The following ZNF107 variants were observed in gnomAD, a reference collection of about 807,000 sequenced individuals.
The protein encoded by ZNF107 is zinc finger protein 107.
Under a neutral mutation model 12.3 loss-of-function variants are expected in ZNF107, and 19 were observed. The ratio of observed to expected loss-of-function variants is 1.55; its 90% CI spans 1.08 to 2.27. The LOEUF (loss-of-function observed/expected upper bound fraction) is 2.27, where lower values mean the gene tolerates loss of function less well. ZNF107 is among the 30% of genes most tolerant of loss of function. The pLI, the probability that ZNF107 is intolerant of heterozygous loss-of-function variation, is 0.00. For synonymous variants in ZNF107, 317 were observed against 330.5 expected (o/e 0.96, Z 0.44); for missense variants, 958 against 979.9 (o/e 0.98, Z 0.30).
At chr7:64,702,882 T>C (rs541211149) in intron 3 of ZNF107, among the ~76,000 whole-genome samples, 1 of 152,338 alleles carries the variant, frequency 6.6e-6, no homozygotes, top group South Asian at 2.1e-4. Context: ...GGGAAGTCTT[T>C]ATTTATATTT....
Position 64,701,308 on chromosome 7 carries a change from C to A in ZNF107, c.227-5016C>A, listed in dbSNP as rs145924224. Among the ~76,000 whole-genome samples, 419 of 151,762 alleles carry A rather than the reference C, an allele frequency of 2.8e-3. 2 individuals are homozygous for A. The highest frequency in any genetic ancestry group is 5.2e-3 in the Non-Finnish European group (350 of 67,932). ...TTCGTTTTTTTTTCTTTTTGAGATG[C>A]AGTCTTGCTTTGTCACCCAGGCTGG... On this transcript the variant is annotated intron_variant, in intron 3 of 3. Transcript: ENST00000620827.
At position 64,711,169 on chromosome 7, in the gene ZNF107, G is replaced by T. The variant is rs1298071500; in HGVS notation, c.*2513G>T. 1.3e-5 allele frequency: 2 copies of T among 152,132 alleles called. No individual in the cohort carries two copies. Among genetic ancestry groups the T allele is most frequent in the Non-Finnish European group, 2.9e-5 (2 of 68,006 alleles). 9.4% of individuals were successfully genotyped at this position (152,132 alleles called of 1,614,324 possible). On this transcript the variant is annotated 3_prime_UTR_variant, in exon 4 of 4. Coordinates refer to ENST00000620827, the MANE Select transcript of ZNF107 (RefSeq NM_001282359.2). ...AGGGTTTAGGTAAAAGAGGGTAACA[G>T]TATACTACTTGATAACATAATGGGC...
In ZNF107 at chr7:64,708,539, G is replaced by T; in HGVS notation, c.2442G>T (p.Glu814Asp). The T allele has an allele frequency of 6.2e-7, 1 of 1,612,824 alleles. No homozygotes were observed. Among genetic ancestry groups the T allele is most frequent in the South Asian group, 1.1e-5 (1 of 90,992 alleles). Reference sequence around the variant, plus strand: ...TACATAAGATAATTCATACTGGAGAGAAACCCTACAAATGTGGAGATTATG... The same window carrying T: ...TACATAAGATAATTCATACTGGAGATAAACCCTACAAATGTGGAGATTATG... ...LNIHKIIHTG[E>D]KPYKCGDYGR... Residue 814 changes from glutamate (E) to aspartate (D), a missense_variant, in exon 4 of 4, where the codon GAG becomes GAT. Physicochemically the swap from Glu to Asp is conservative, Grantham distance 45 (BLOSUM62 2). Coordinates refer to ENST00000620827, the MANE Select transcript of ZNF107 (RefSeq NM_001282359.2).
chr7:64,709,382 A>G lies in ZNF107; in HGVS notation c.*726A>G, dbSNP rs1790809972. 3.0e-6 allele frequency: 1 copy of G among 338,132 alleles called. No homozygotes were observed. The highest frequency in any genetic ancestry group is 8.2e-5 in the East Asian group (1 of 12,138). 20.9% of individuals were successfully genotyped at this position (338,132 alleles called of 1,614,324 possible). On this transcript the variant is annotated 3_prime_UTR_variant, in exon 4 of 4. Transcript: ENST00000620827. ...TTATACTTTGAGAGAAACCCTGCAA[A>G]TGTGAATAATGTGGCAATACTTTAA...
chr7:64,690,753 T>C (rs1790089126), intron 1 of ZNF107, among the ~76,000 whole-genome samples: 1 of 152,104 alleles, frequency 6.6e-6, no homozygotes, highest in Admixed American at 6.6e-5. Flanking sequence ...TTTTATTCTT[T>C]TTTTTTTGAG....
intron 1 of ZNF107, chr7:64,689,552 T>G (rs971704295): frequency 2.6e-5 from 4 of 152,290 alleles, no homozygotes; most frequent in Non-Finnish European, 4.4e-5. Context: ...TACCTACCCG[T>G]AAAATGTAAT....
chr7:64,698,196 A>G (rs1411288396), intron 3 of ZNF107, among the ~76,000 whole-genome samples: 1 of 152,054 alleles, frequency 6.6e-6, no homozygotes, highest in Non-Finnish European at 1.5e-5. Flanking sequence ...TGCGTTTTCT[A>G]ATTTGTGTAT....
intron 1 of ZNF107, chr7:64,690,350 C>T (rs1395256791): frequency 2.0e-6 from 2 of 983,040 alleles, no homozygotes; most frequent in Non-Finnish European, 2.4e-6. Context: ...AGGGTTTACT[C>T]CCAGCTGCAG....
At chr7:64,677,683 C>G (rs1262811294) in intron 1 of ZNF107, among the ~76,000 whole-genome samples, 4 of 151,264 alleles carry the variant, frequency 2.6e-5, no homozygotes, top group African/African-American at 7.3e-5. Flanking sequence ...GAAACCCTGT[C>G]TCTACTAAAA....
chr7:64,668,826 C>G (rs1288888864), intron 1 of ZNF107, among the ~76,000 whole-genome samples: 1 of 151,946 alleles, frequency 6.6e-6, no homozygotes, highest in Non-Finnish European at 1.5e-5. Context: ...AAAAACCTCT[C>G]TTCCATTTTG....
At chr7:64,672,048 A>G (rs1789250506) in intron 1 of ZNF107, among the ~76,000 whole-genome samples, 1 of 151,920 alleles carries the variant, frequency 6.6e-6, no homozygotes, top group Admixed American at 6.6e-5. Flanking sequence ...GGCCTCCCAA[A>G]GTGCTGGGAT....
At position 64,708,762 on chromosome 7, in the gene ZNF107, A is replaced by T; in HGVS notation, c.*106A>T. The T allele has an allele frequency of 8.8e-7, 1 of 1,138,068 alleles. No individual in the cohort carries two copies. The allele number at this position is 1,138,068 out of a possible 1,614,324, so 70.5% of individuals were successfully genotyped here. On this transcript the variant is annotated 3_prime_UTR_variant, in exon 4 of 4. Transcript: ENST00000620827. Reference sequence around the variant, plus strand: ...AACAAGTCTTCAACTTTTTCTGCACACACGAGGTATTTTATACTGGTGAGA... The same window carrying T: ...AACAAGTCTTCAACTTTTTCTGCACTCACGAGGTATTTTATACTGGTGAGA...
chr7:64,696,348 TAC>T (rs1483719460), intron 3 of ZNF107, among the ~76,000 whole-genome samples: 1 of 152,058 alleles, frequency 6.6e-6, no homozygotes, highest in Admixed American at 6.6e-5. Flanking sequence ...GCATCCAGCC[TAC>T]AGTTTTTTTA....
At chr7:64,687,082 GT>G in intron 1 of ZNF107, 2 of 985,300 alleles carry the variant, frequency 2.0e-6, no homozygotes, top group Non-Finnish European at 2.4e-6. Context: ...TCTAATCTGA[GT>G]TTTTTTCTTA....
intron 1 of ZNF107, among the ~76,000 whole-genome samples, chr7:64,677,638 G>A (rs921433883): frequency 8.6e-5 from 13 of 151,504 alleles, no homozygotes; most frequent in Admixed American, 7.9e-4. Flanking sequence ...CGGATCATGA[G>A]ATCAGGAGAT....
intron 1 of ZNF107, among the ~76,000 whole-genome samples, chr7:64,673,339 A>C (rs1436324549): frequency 2.0e-5 from 3 of 152,142 alleles, no homozygotes; most frequent in African/African-American, 7.2e-5. Flanking sequence ...ACCGCACCTG[A>C]CAGAGCATTT....
At chr7:64,676,927 T>TA (rs546020926) in intron 1 of ZNF107, among the ~76,000 whole-genome samples, 15 of 151,368 alleles carry the variant, frequency 9.9e-5, no homozygotes, top group South Asian at 8.3e-4. Flanking sequence ...CATCTTATGT[T>TA]AAAAAAAATG....
chr7:64,701,714 A>T (rs1790482909), intron 3 of ZNF107, among the ~76,000 whole-genome samples: 1 of 151,834 alleles, frequency 6.6e-6, no homozygotes, highest in Non-Finnish European at 1.5e-5. Flanking sequence ...TAACCTCCCA[A>T]ACTCAGATAA....
intron 1 of ZNF107, among the ~76,000 whole-genome samples, chr7:64,668,192 C>T (rs1211370180): frequency 6.6e-6 from 1 of 151,732 alleles, no homozygotes; most frequent in Non-Finnish European, 1.5e-5. Flanking sequence ...TTTTAGGGTA[C>T]ATGTGCATAA....
Sources: gnomAD v4.1 joint callset for allele counts (sites outside exome capture counted in the v4.1 genomes callset) on GRCh38, gnomAD v4.1.1 for gene constraint, MANE v1.5 for transcripts, NCBI Gene and HGNC (gene_info 2026-07-23, HGNC 2026-07-21) for gene names.